The following TSPAN9 variants were observed in gnomAD, a reference collection of about 807,000 sequenced individuals.
TSPAN9 encodes tetraspanin 9.
A neutral mutation model predicts 31.0 loss-of-function variants in TSPAN9; 16 were observed. That is an observed-to-expected ratio of 0.52 (90% CI 0.35 to 0.78). The LOEUF (loss-of-function observed/expected upper bound fraction) is 0.78, where lower values mean the gene tolerates loss of function less well. TSPAN9 is among the 30% of genes least tolerant of loss of function. The probability of loss-of-function intolerance (pLI) is 0.01; values close to 1 mark genes in which losing one functional copy is unlikely to be tolerated. For synonymous variants in TSPAN9, 145 were observed against 121.6 expected (o/e 1.19, Z -1.27); for missense variants, 272 against 312.5 (o/e 0.87, Z 0.98).
intron 3 of TSPAN9, among the ~76,000 whole-genome samples, chr12:3,244,578 G>A (rs952724600): frequency 7.2e-5 from 11 of 152,142 alleles, no homozygotes; most frequent in East Asian, 1.9e-4. Context: ...ACGCACTCTC[G>A]AGCCACCTCA....
chr12:3,098,394 G>T (rs771122926), intron 2 of TSPAN9, among the ~76,000 whole-genome samples: 1 of 152,174 alleles, frequency 6.6e-6, no homozygotes, highest in Non-Finnish European at 1.5e-5. Context: ...TGTTACACTC[G>T]GATCCCAGAC....
intron 2 of TSPAN9, among the ~76,000 whole-genome samples, chr12:3,117,167 CTTGGGT>C (rs1015005879): frequency 1.3e-5 from 2 of 152,108 alleles, no homozygotes; most frequent in Admixed American, 1.3e-4. Flanking sequence ...TCCAGGCTGT[CTTGGGT>C]GGCTGCACAG....
intron 3 of TSPAN9, among the ~76,000 whole-genome samples, chr12:3,224,511 C>T (rs114911759): frequency 0.03 from 4,616 of 152,296 alleles, 242 homozygotes; most frequent in African/African-American, 0.1. Flanking sequence ...GGGGCAGAGG[C>T]GGAATCAGGA....
At chr12:3,278,351 T>G in intron 3 of TSPAN9, 70 bp from the exon 4 acceptor site, 1 of 1,578,590 alleles carries the variant, frequency 6.3e-7, no homozygotes, top group Non-Finnish European at 8.6e-7. Flanking sequence ...GGTGGGGACC[T>G]GCACTGTTCC....
chr12:3,230,289 T>G (rs1312252685), intron 3 of TSPAN9, among the ~76,000 whole-genome samples: 1 of 152,034 alleles, frequency 6.6e-6, no homozygotes, highest in African/African-American at 2.4e-5. Flanking sequence ...AGGACCCAAG[T>G]TTAGTTTCCA....
chr12:3,220,071 G>C (rs539551245), intron 3 of TSPAN9, among the ~76,000 whole-genome samples: 3 of 151,690 alleles, frequency 2.0e-5, no homozygotes, highest in Admixed American at 6.6e-5. Context: ...CTTGAACCCG[G>C]GAGGCGGAAG....
At chr12:3,127,790 G>T (rs1234369105) in intron 2 of TSPAN9, among the ~76,000 whole-genome samples, 2 of 152,096 alleles carry the variant, frequency 1.3e-5, no homozygotes, top group Non-Finnish European at 2.9e-5. Context: ...ATGTGCTGTG[G>T]TAGACATATT....
intron 3 of TSPAN9, among the ~76,000 whole-genome samples, chr12:3,255,997 G>A (rs980348620): frequency 2.0e-5 from 3 of 152,164 alleles, no homozygotes; most frequent in African/African-American, 7.2e-5. Flanking sequence ...CTTTCAGGCA[G>A]GGCTGTTAGC....
chr12:3,221,932 G>A (rs978893772), intron 3 of TSPAN9, among the ~76,000 whole-genome samples: 4 of 152,180 alleles, frequency 2.6e-5, no homozygotes, highest in African/African-American at 4.8e-5. Flanking sequence ...ATAAGCCACC[G>A]TGCCCAGCCT....
chr12:3,258,504 G>A, intron 3 of TSPAN9, among the ~76,000 whole-genome samples: 1 of 152,198 alleles, frequency 6.6e-6, no homozygotes, highest in East Asian at 1.9e-4. Context: ...TCTTCTGGCA[G>A]CAATGAAGAG....
rs963340768 is a variant in TSPAN9, at chr12:3,280,700, C to T, written c.432+217C>T. Among the ~76,000 whole-genome samples the T allele has an allele frequency of 2.6e-5, 4 of 152,180 alleles. No individual in the cohort carries two copies. Among genetic ancestry groups the T allele is most frequent in the Non-Finnish European group, 5.9e-5 (4 of 68,024 alleles). On this transcript the variant is annotated intron_variant, in intron 6 of 8. Coordinates refer to ENST00000011898, the MANE Select transcript of TSPAN9 (RefSeq NM_006675.5). The surrounding 1 kb of genome is among the most constrained non-coding windows in gnomAD (Gnocchi z 4.5). ...GGGATGAGGATACAGGAGGGGCAGG[C>T]CTGAGAGAGCTGTGGCTGAGCTTTG...
chr12:3,146,024 C>T (rs2098337071), intron 2 of TSPAN9, among the ~76,000 whole-genome samples: 1 of 152,238 alleles, frequency 6.6e-6, no homozygotes. Context: ...CACGAGGCTC[C>T]CGCAGGCACA....
intron 3 of TSPAN9, among the ~76,000 whole-genome samples, chr12:3,234,479 A>C (rs1189648926): frequency 6.6e-6 from 1 of 152,166 alleles, no homozygotes. Context: ...CATTAAATGC[A>C]AGCATTGATT....
rs1476516942 is a variant in TSPAN9 at position 3,088,892 on chromosome 12, G to A, written c.-18+5173G>A. Among the ~76,000 whole-genome samples the A allele has an allele frequency of 3.9e-5, 6 of 152,168 alleles. No homozygotes were observed. In the South Asian group the frequency reaches 8.3e-4, roughly 21 times the overall value. ...AGCAGCTCAGGCGCGGGAGGCTGGT[G>A]GTGGGAGCCAGTGTTGGTCTTTGAA... On this transcript the variant is annotated intron_variant, in intron 2 of 8. Coordinates refer to ENST00000011898, the MANE Select transcript of TSPAN9 (RefSeq NM_006675.5).
intron 2 of TSPAN9, among the ~76,000 whole-genome samples, chr12:3,086,983 G>A (rs1202999901): frequency 1.3e-5 from 2 of 152,184 alleles, no homozygotes; most frequent in Admixed American, 6.5e-5. Flanking sequence ...TGGGGAATGT[G>A]TCAGGTTCAG....
At chr12:3,175,455 A>G (rs1029458389) in intron 2 of TSPAN9, among the ~76,000 whole-genome samples, 63 of 152,210 alleles carry the variant, frequency 4.1e-4, no homozygotes, top group African/African-American at 1.5e-3. Flanking sequence ...GACACCAGGA[A>G]GGTCAGAAGC....
intron 2 of TSPAN9, among the ~76,000 whole-genome samples, chr12:3,120,690 G>A (rs751653813): frequency 6.6e-6 from 1 of 152,252 alleles, no homozygotes; most frequent in Non-Finnish European, 1.5e-5. Context: ...CTGGGCCAGG[G>A]ACCACATACA....
chr12:3,135,552 C>G (rs1433279953), intron 2 of TSPAN9, among the ~76,000 whole-genome samples: 1 of 152,194 alleles, frequency 6.6e-6, no homozygotes, highest in Non-Finnish European at 1.5e-5. Flanking sequence ...TCATTCAGCC[C>G]TGGTCCAGGC....
chr12:3,153,692 G>A (rs1303829769), intron 2 of TSPAN9, among the ~76,000 whole-genome samples: 1 of 151,620 alleles, frequency 6.6e-6, no homozygotes, highest in Non-Finnish European at 1.5e-5. Flanking sequence ...TTATATATAT[G>A]TGTGTGCGTG....
Sources: allele counts gnomAD v4.1 joint callset (sites outside exome capture counted in the v4.1 genomes callset), GRCh38; gene constraint gnomAD v4.1.1; non-coding constraint Gnocchi (gnomAD v3.1); transcripts MANE v1.5; gene names NCBI Gene and HGNC (gene_info 2026-07-23, HGNC 2026-07-21).